Variants in ARHGAP45 observed in about 807,000 individuals in gnomAD.
The protein encoded by ARHGAP45 is rho GTPase-activating protein 45.
Under a neutral mutation model 116.1 loss-of-function variants are expected in ARHGAP45, and 56 were observed. The observed-to-expected ratio is 0.48, with a 90% confidence interval of 0.39 to 0.60. ARHGAP45 has a LOEUF of 0.60. Among genes scored for constraint, ARHGAP45 ranks in the 20% least tolerant of loss-of-function variants. The probability of loss-of-function intolerance (pLI) is 0.00; values close to 1 mark genes in which losing one functional copy is unlikely to be tolerated. For missense variants in ARHGAP45, 1,622 were observed against 1,601.0 expected, an observed-to-expected ratio of 1.01 and a Z score of -0.22; for synonymous variants, 866 against 701.7, an observed-to-expected ratio of 1.23 and a Z score of -3.70.
Position 1,073,228 on chromosome 19 carries a change from G to C in ARHGAP45, c.501G>C (p.Lys167Asn). The C allele has an allele frequency of 6.2e-7, 1 of 1,613,538 alleles. No homozygotes were observed. The highest frequency in any genetic ancestry group is 8.5e-7 in the Non-Finnish European group (1 of 1,180,020). The stretch of plus-strand genomic sequence containing the variant: ...GTGTCATGCATCAGATCATCTCCAA[G>C]TACCCGCTGCTGAACACCGTGGAGA... ...ALRVMHQIIS[K>N]YPLLNTVETL... is the part of the protein sequence containing the mutation. The change falls in exon 3 of 23, where the codon AAG becomes AAC. Residue 167 changes from lysine (K) to asparagine (N), a missense_variant. Transcript: ENST00000313093.
In ARHGAP45 at chr19:1,074,541, C is replaced by G. The variant is rs1183908825; in HGVS notation, c.994-73C>G. 9 of 1,429,406 alleles carry G rather than the reference C, an allele frequency of 6.3e-6. No individual in the cohort carries two copies. In the Admixed American group the frequency reaches 9.0e-5, roughly 14 times the overall value. The allele number at this position is 1,429,406 out of a possible 1,614,324, so 88.5% of individuals were successfully genotyped here. On this transcript the variant is annotated intron_variant, in intron 8 of 22. Transcript: ENST00000313093. ...GGGGGTGGCTGCAGGGACCAGGGAG[C>G]TGGTGGCTGGGGGTGCTGGGGCCGC... is the stretch of plus-strand genomic sequence containing the variant.
At position 1,068,612 on chromosome 19, in the gene ARHGAP45, G is replaced by A. The variant is rs530985337; in HGVS notation, c.289G>A (p.Ala97Thr). 68 of 1,611,328 alleles carry A rather than the reference G, an allele frequency of 4.2e-5. No homozygotes were observed. In the South Asian group the frequency reaches 6.9e-4, roughly 16 times the overall value. ...LGRSHRSPLTAASPGELPTEG... is the reference protein window; with the variant it reads ...LGRSHRSPLTTASPGELPTEG... ...CCGGAGCCACCGGAGCCCACTGACA[G>A]CCGCCAGCCCGGGCGAGCTGCCCAC... The change falls in exon 2 of 23, where the codon GCC becomes ACC. Residue 97 changes from alanine to threonine, a missense_variant. Physicochemically the swap from Ala to Thr is moderately conservative, Grantham distance 58. This residue lies in a region of ARHGAP45 where 279 missense variants were observed against 311.9 expected (regional missense o/e 0.89). Coordinates refer to ENST00000313093, the MANE Select transcript of ARHGAP45 (RefSeq NM_012292.5). This position sits in a 1 kb window ranked among gnomAD's most constrained non-coding sequence, Gnocchi z 7.5.
At position 1,071,338 on chromosome 19, in the gene ARHGAP45, G is replaced by A; in HGVS notation, c.422-1811G>A. On this transcript the variant is annotated intron_variant, in intron 2 of 22. Coordinates refer to ENST00000313093, the MANE Select transcript of ARHGAP45 (RefSeq NM_012292.5). This position sits in a 1 kb window ranked among gnomAD's most constrained non-coding sequence, Gnocchi z 4.6. ...CCGGTGCTGGACGAGGGCCCCGTGC[G>A]CTGCCGGGCGGGCCCCCGAGGTGAG... The A allele has an allele frequency of 3.7e-6, 5 of 1,369,716 alleles. No homozygotes were observed. The highest frequency in any genetic ancestry group is 3.6e-5 in the Admixed American group (1 of 27,566). 84.8% of individuals were successfully genotyped at this position (1,369,716 alleles called of 1,614,324 possible).
At position 1,074,866 on chromosome 19, in the gene ARHGAP45, C is replaced by A; in HGVS notation, c.1172C>A (p.Ala391Asp). ...RKEIKEAWHRAQRKLQEAESN... is the reference protein window; with the variant it reads ...RKEIKEAWHRDQRKLQEAESN... ...GAGATCAAGGAGGCCTGGCACCGTG[C>A]CCAGAGGAAGCTGGTGAGGCGGGCG... Residue 391 changes from alanine (A) to aspartate (D), a missense_variant, in exon 10 of 23, where the codon GCC (alanine) becomes GAC (aspartate). By Grantham distance (126) the Ala-to-Asp change is moderately radical. Coordinates refer to ENST00000313093, the MANE Select transcript of ARHGAP45 (RefSeq NM_012292.5). 3 of 1,517,028 alleles carry A rather than the reference C, an allele frequency of 2.0e-6. No individual in the cohort carries two copies. Among genetic ancestry groups the A allele is most frequent in the Non-Finnish European group, 2.7e-6 (3 of 1,125,058 alleles). The allele number at this position is 1,517,028 out of a possible 1,614,324, so 94.0% of individuals were successfully genotyped here. A position where few individuals can be genotyped will look rare whatever the true frequency, so the allele number is the denominator to read the frequency against.
intron 2 of ARHGAP45, among the ~76,000 whole-genome samples, chr19:1,072,405 AT>A (rs1184254097): frequency 6.6e-6 from 1 of 151,980 alleles, no homozygotes; most frequent in Non-Finnish European, 1.5e-5. Context: ...CGATGAGGGC[AT>A]TTAGCTTTTT....
chr19:1,085,731 G>A lies in ARHGAP45; in HGVS notation c.3136G>A (p.Ala1046Thr). 2 of 1,611,006 alleles carry A rather than the reference G, an allele frequency of 1.2e-6. No individual in the cohort carries two copies. The highest frequency in any genetic ancestry group is 1.3e-5 in the African/African-American group (1 of 74,788). ...CTCCGAGCTGCTGTCCTCATCGGAG[G>A]CCAGTGCCCTGGGCCACCTCAGCTT... ...EASELLSSSEASALGHLSFLE... is the reference protein window; with the variant it reads ...EASELLSSSETSALGHLSFLE... Residue 1046 changes from alanine (A) to threonine (T), a missense_variant, in exon 23 of 23, where the codon GCC (alanine) becomes ACC (threonine). Coordinates refer to ENST00000313093, the MANE Select transcript of ARHGAP45 (RefSeq NM_012292.5).
At chr19:1,074,438 C>T in intron 8 of ARHGAP45, 31 bp downstream of exon 8, 1 of 1,482,084 alleles carries the variant, frequency 6.7e-7, no homozygotes, top group African/African-American at 1.4e-5. Flanking sequence ...GGGCGGGGGT[C>T]CCTGGGCCCG....
chr19:1,081,959 C>T lies in ARHGAP45; in HGVS notation c.2515C>T (p.Gln839Ter). The T allele has an allele frequency of 6.2e-7, 1 of 1,609,532 alleles. No individual in the cohort carries two copies. The highest frequency in any genetic ancestry group is 8.5e-7 in the Non-Finnish European group (1 of 1,178,324). ...CAACGTCCTCAAGCTCTACCTGCGT[C>T]AGGTGAGACCCACCGGTGGTGGCCA... Reference protein sequence around the residue: ...ISNVLKLYLRQLPEPLISFRL... With the variant: ...ISNVLKLYLR The change falls in exon 19 of 23, where the codon CAG (glutamine) becomes TAG (stop). Residue 839 changes from glutamine (Q) to a stop codon, truncating the protein, a stop_gained and splice_region_variant. Coordinates refer to ENST00000313093, the MANE Select transcript of ARHGAP45 (RefSeq NM_012292.5). LOFTEE classifies it high-confidence loss of function.
chr19:1,072,123 G>T (rs573754681), intron 2 of ARHGAP45, among the ~76,000 whole-genome samples: 31 of 151,742 alleles, frequency 2.0e-4, no homozygotes, highest in African/African-American at 7.5e-4. Context: ...GTGCAGTGGC[G>T]CGATCTCGGC....
intron 11 of ARHGAP45, among the ~76,000 whole-genome samples, chr19:1,078,549 A>T (rs964533038): frequency 5.3e-5 from 8 of 150,456 alleles, no homozygotes; most frequent in African/African-American, 1.7e-4. Flanking sequence ...TCTCTGCCTC[A>T]GCCACCCTGC....
upstream of ARHGAP45, chr19:1,066,266 A>T: frequency 1.1e-5 from 5 of 456,422 alleles, no homozygotes; most frequent in African/African-American, 3.2e-5. Context: ...GGGGGGAGAG[A>T]GTTCACACTG....
Position 1,073,557 on chromosome 19 carries a change from C to T in ARHGAP45, c.617C>T (p.Ala206Val), listed in dbSNP as rs1435490997. Reference protein sequence around the residue: ...NDLEKQEFEKALETIAVAFSS... With the variant: ...NDLEKQEFEKVLETIAVAFSS... Reference sequence around the variant, plus strand: ...CTGGAGAAACAGGAGTTCGAGAAGGCCCTGGAGACGATTGCTGTGGCCTTC... The same window carrying T: ...CTGGAGAAACAGGAGTTCGAGAAGGTCCTGGAGACGATTGCTGTGGCCTTC... Residue 206 changes from alanine (A) to valine (V), a missense_variant, in exon 4 of 23, where the codon GCC (alanine) becomes GTC (valine). Coordinates refer to ENST00000313093, the MANE Select transcript of ARHGAP45 (RefSeq NM_012292.5). The T allele has an allele frequency of 1.2e-6, 2 of 1,613,986 alleles. No individual in the cohort carries two copies. The highest frequency in any genetic ancestry group is 2.2e-5 in the South Asian group (2 of 91,076).
rs1204888986 is a variant in ARHGAP45 at position 1,083,031 on chromosome 19, G to T, written c.2709G>T (p.Arg903=). The part of the protein sequence containing the change: ...ELLRDLPPEN[R]ASLQYLLRHL... ...TGCGGGACCTGCCGCCTGAGAACCG[G>T]GCCTCGCTGCAGTACCTGCTGCGTC... The change falls in exon 20 of 23, where the codon CGG becomes CGT. Residue 903 remains arginine, a synonymous_variant. Coordinates refer to ENST00000313093, the MANE Select transcript of ARHGAP45 (RefSeq NM_012292.5). 1 of 1,545,150 alleles carries T rather than the reference G, an allele frequency of 6.5e-7. No individual in the cohort carries two copies. Among genetic ancestry groups the T allele is most frequent in the Admixed American group, 1.9e-5 (1 of 51,966 alleles).
At chr19:1,078,463 A>G (rs2043331070) in intron 11 of ARHGAP45, among the ~76,000 whole-genome samples, 1 of 144,640 alleles carries the variant, frequency 6.9e-6, no homozygotes, top group Non-Finnish European at 1.5e-5. Context: ...TTGGAGACAG[A>G]GTCTCATTCT....
rs759776995 is a variant in ARHGAP45, at chr19:1,086,610, TAAA to T, written c.*607_*609del. On this transcript the variant is annotated 3_prime_UTR_variant, in exon 23 of 23. Coordinates refer to ENST00000313093, the MANE Select transcript of ARHGAP45 (RefSeq NM_012292.5). ...CACAGGCACGTTTATTTTGCTGAAATAAAAAGTTTTTAATCGGGTGTTTTCTGT... is the reference window on the plus strand; with the variant it reads ...CACAGGCACGTTTATTTTGCTGAAATAAGTTTTTAATCGGGTGTTTTCTGT... 2.6e-5 allele frequency: 4 copies of T among 151,830 alleles called. No individual in the cohort carries two copies. Among genetic ancestry groups the T allele is most frequent in the Admixed American group, 1.3e-4 (2 of 15,254 alleles). 9.4% of individuals were successfully genotyped at this position (151,830 alleles called of 1,614,324 possible).
upstream of ARHGAP45, chr19:1,066,245 A>G: frequency 1.3e-6 from 1 of 746,494 alleles, no homozygotes; most frequent in Non-Finnish European, 1.9e-6. Context: ...GACAGCAGGG[A>G]GACTTGGGGA....
chr19:1,067,031 C>A, upstream of ARHGAP45: 1 of 307,818 alleles, frequency 3.2e-6, no homozygotes, highest in African/African-American at 2.2e-5. Flanking sequence ...TGCAGTCGGC[C>A]GCCCCGTGCC....
Position 1,074,692 on chromosome 19 carries a change from G to T in ARHGAP45, c.1072G>T (p.Val358Leu). ...LEFGHSMVQAVGTLQTQTFMQ... is the reference protein window; with the variant it reads ...LEFGHSMVQALGTLQTQTFMQ... ...GTTCGGCCACAGCATGGTGCAGGCG[G>T]TGGGCACCTTGCAGACCCAGACCTT... Residue 358 changes from valine to leucine, a missense_variant, in exon 9 of 23, where the codon GTG (valine) becomes TTG (leucine). Val to Leu is a conservative substitution (Grantham distance 32). Coordinates refer to ENST00000313093, the MANE Select transcript of ARHGAP45 (RefSeq NM_012292.5). 2 of 1,610,690 alleles carry T rather than the reference G, an allele frequency of 1.2e-6. No homozygotes were observed. The highest frequency in any genetic ancestry group is 2.2e-5 in the South Asian group (2 of 90,684).
In ARHGAP45 at chr19:1,080,061, G is replaced by A; in HGVS notation, c.1646G>A (p.Arg549Gln). ...GCCTCCCACGTGCGCCAGCTGCAGC[G>A]GGACCAGGAGCCCGATGTGCACTAC... is the stretch of plus-strand genomic sequence containing the variant. The part of the protein sequence containing the change: ...QYASHVRQLQ[R>Q]DQEPDVHYDF... Residue 549 changes from arginine (R) to glutamine (Q), a missense_variant, in exon 13 of 23, where the codon CGG becomes CAG. Arg to Gln is a conservative substitution (Grantham distance 43). This residue lies in a region of ARHGAP45 where 1,334 missense variants were observed against 1,263.8 expected (regional missense o/e 1.06). Transcript: ENST00000313093. The A allele has an allele frequency of 6.2e-7, 1 of 1,612,642 alleles. No individual in the cohort carries two copies. Among genetic ancestry groups the A allele is most frequent in the Non-Finnish European group, 8.5e-7 (1 of 1,179,908 alleles).
Sources: gnomAD v4.1 joint callset for allele counts (sites outside exome capture counted in the v4.1 genomes callset) on GRCh38, gnomAD v4.1.1 for gene constraint, gnomAD v4.1.1 regional missense constraint, Gnocchi (gnomAD v3.1) non-coding constraint, MANE v1.5 for transcripts, NCBI Gene and HGNC (gene_info 2026-07-23, HGNC 2026-07-21) for gene names.